The following TMEM132E variants were observed in gnomAD, a reference collection of about 807,000 sequenced individuals.
The protein encoded by TMEM132E is transmembrane protein 132E.
A neutral mutation model predicts 78.5 loss-of-function variants in TMEM132E; 49 were observed. That is an observed-to-expected ratio of 0.62 (90% CI 0.50 to 0.79). The LOEUF (loss-of-function observed/expected upper bound fraction) is 0.79. TMEM132E is among the 30% of genes least tolerant of loss of function. The pLI is 0.00. For missense variants in TMEM132E, 1,403 were observed against 1,470.9 expected, an observed-to-expected ratio of 0.95 and a Z score of 0.75; for synonymous variants, 715 against 670.6, an observed-to-expected ratio of 1.07 and a Z score of -1.02.
chr17:34,626,095 A>G, intron 1 of TMEM132E, 32 bp from the exon 2 acceptor site: 1 of 1,464,218 alleles, frequency 6.8e-7, no homozygotes, highest in African/African-American at 1.4e-5. Flanking sequence ...TCTCCTGACC[A>G]CCCTGGGCCT....
In TMEM132E at chr17:34,619,359, G is replaced by A. The variant is rs570558116; in HGVS notation, c.68-6768G>A. On this transcript the variant is annotated intron_variant, in intron 1 of 8. Coordinates refer to ENST00000631683, the MANE Select transcript of TMEM132E (RefSeq NM_001304438.2). ...TCTTCACCAGCTCTTCCTACTTAGCGCTATGTTCCAAGCATCTGCCATAAT... is the reference window on the plus strand; with the variant it reads ...TCTTCACCAGCTCTTCCTACTTAGCACTATGTTCCAAGCATCTGCCATAAT... Among the ~76,000 whole-genome samples, 8 of 151,356 alleles carry A rather than the reference G, an allele frequency of 5.3e-5. No individual in the cohort carries two copies. The South Asian group carries it at 6.2e-4, about 12-fold the overall frequency.
intron 1 of TMEM132E, among the ~76,000 whole-genome samples, chr17:34,598,924 C>T (rs991259557): frequency 2.6e-5 from 4 of 152,186 alleles, no homozygotes; most frequent in African/African-American, 9.7e-5. Flanking sequence ...CAGCCCCTGG[C>T]TGCTGCAGAC....
chr17:34,614,097 T>C (rs1204568570), intron 1 of TMEM132E, among the ~76,000 whole-genome samples: 1 of 152,086 alleles, frequency 6.6e-6, no homozygotes, highest in South Asian at 2.1e-4. Context: ...AGGTGAGGGC[T>C]CTCATCATGC....
At chr17:34,625,402 G>T (rs1464420347) in intron 1 of TMEM132E, among the ~76,000 whole-genome samples, 2 of 152,150 alleles carry the variant, frequency 1.3e-5, no homozygotes, top group African/African-American at 4.8e-5. Flanking sequence ...AGCTGAGAGA[G>T]CAGGTACAAT....
At chr17:34,619,296 G>A (rs768054979) in intron 1 of TMEM132E, among the ~76,000 whole-genome samples, 1 of 151,548 alleles carries the variant, frequency 6.6e-6, no homozygotes, top group Admixed American at 6.6e-5. Context: ...TATCAGCAAC[G>A]CCAACGTTAT....
chr17:34,629,107 A>C lies in TMEM132E; in HGVS notation c.1241A>C (p.Asp414Ala). The C allele has an allele frequency of 6.2e-7, 1 of 1,612,952 alleles. No individual in the cohort carries two copies. Among genetic ancestry groups the C allele is most frequent in the Non-Finnish European group, 8.5e-7 (1 of 1,179,374 alleles). Residue 414 changes from aspartate (D) to alanine (A), a missense_variant, in exon 4 of 9, where the codon GAC becomes GCC. By Grantham distance (126) the Asp-to-Ala change is moderately radical. This residue lies in a region of TMEM132E where 888 missense variants were observed against 952.8 expected (regional missense o/e 0.93). Transcript: ENST00000631683. ...AAGCGGAGGATCATGTGGCACATTG[A>C]CTACCGTGGCCACGGCGCCCTGCCT... ...SVKRRIMWHI[D>A]YRGHGALPDL... is the part of the protein sequence containing the mutation.
intron 5 of TMEM132E, among the ~76,000 whole-genome samples, chr17:34,630,611 G>A (rs1157019645): frequency 1.3e-5 from 2 of 152,170 alleles, no homozygotes; most frequent in East Asian, 3.8e-4. Flanking sequence ...TCAAAGACCT[G>A]CCGTGAACCC....
intron 1 of TMEM132E, 98 bp downstream of exon 1, chr17:34,581,241 C>T (rs1374017351): frequency 1.8e-6 from 2 of 1,114,590 alleles, no homozygotes; most frequent in East Asian, 3.2e-5. Context: ...ACCCCCTGGA[C>T]TCGCAGCCGC....
At chr17:34,621,058 A>G (rs571954538) in intron 1 of TMEM132E, among the ~76,000 whole-genome samples, 35 of 152,316 alleles carry the variant, frequency 2.3e-4, no homozygotes, top group Middle Eastern at 3.4e-3. Flanking sequence ...CATCATCATT[A>G]TCCCCATGTG....
intron 1 of TMEM132E, among the ~76,000 whole-genome samples, chr17:34,624,509 A>G (rs1285815275): frequency 1.3e-5 from 2 of 152,236 alleles, no homozygotes; most frequent in Non-Finnish European, 2.9e-5. Context: ...GGCTTCATGA[A>G]GGAGGTGGCA....
intron 1 of TMEM132E, among the ~76,000 whole-genome samples, chr17:34,595,905 C>T: frequency 6.6e-6 from 1 of 152,200 alleles, no homozygotes; most frequent in East Asian, 1.9e-4. Flanking sequence ...AACCAGATTC[C>T]ATCTCCAATA....
chr17:34,628,050 G>A (rs1286657389), intron 2 of TMEM132E, among the ~76,000 whole-genome samples: 1 of 152,166 alleles, frequency 6.6e-6, no homozygotes, highest in African/African-American at 2.4e-5. Flanking sequence ...CTGGCTGTGA[G>A]GTGATTCAGA....
intron 1 of TMEM132E, among the ~76,000 whole-genome samples, chr17:34,611,976 G>T (rs558695255): frequency 6.6e-6 from 1 of 152,126 alleles, no homozygotes; most frequent in South Asian, 2.1e-4. Context: ...GGGACCGAGG[G>T]TCTACTATTA....
In TMEM132E at chr17:34,588,854, A is replaced by G. The variant is rs59493029; in HGVS notation, c.67+7711A>G. On this transcript the variant is annotated intron_variant, in intron 1 of 8. Coordinates refer to ENST00000631683, the MANE Select transcript of TMEM132E (RefSeq NM_001304438.2). ...CTGCAACCACTGTCTCCTGGGTTCA[A>G]GTGATTCTCCTGCCTCAGCCTCCCG... 1.8e-3 allele frequency among the ~76,000 whole-genome samples: 277 copies of G among 152,240 alleles called. 1 individual carries two copies. The highest frequency in any genetic ancestry group is 6.1e-3 in the African/African-American group (254 of 41,532).
chr17:34,612,291 A>G (rs950519467), intron 1 of TMEM132E, among the ~76,000 whole-genome samples: 1 of 152,218 alleles, frequency 6.6e-6, no homozygotes, highest in African/African-American at 2.4e-5. Context: ...CAAAGCGCAG[A>G]AAGGAAGTGG....
In TMEM132E at chr17:34,630,009, A is replaced by T. The variant is rs761571136; in HGVS notation, c.1340A>T (p.Asp447Val). The T allele has an allele frequency of 6.2e-7, 1 of 1,607,334 alleles. No individual in the cohort carries two copies. The highest frequency in any genetic ancestry group is 1.1e-5 in the South Asian group (1 of 90,816). ...GCCCCCCCCTTCTCCTCCCTGCAGG[A>T]CACAGAGATCATCAACACGGCCATT... Reference protein sequence around the residue: ...DVQAILPLAMDTEIINTAILT... With the variant: ...DVQAILPLAMVTEIINTAILT... Residue 447 changes from aspartate (D) to valine (V), a missense_variant and splice_region_variant, in exon 5 of 9, where the codon GAC becomes GTC. Asp to Val is a radical substitution (Grantham distance 152). This residue lies in a region of TMEM132E where 888 missense variants were observed against 952.8 expected (regional missense o/e 0.93). Coordinates refer to ENST00000631683, the MANE Select transcript of TMEM132E (RefSeq NM_001304438.2).
intron 1 of TMEM132E, among the ~76,000 whole-genome samples, chr17:34,590,130 A>C (rs928916765): frequency 6.6e-6 from 1 of 151,994 alleles, no homozygotes; most frequent in African/African-American, 2.4e-5. Flanking sequence ...GTTCGCCCCC[A>C]CCTCCAGCCA....
rs551700082 is a variant in TMEM132E at position 34,628,081 on chromosome 17, G to T, written c.999-482G>T. ...TCAGAACTATGGCAAAAAACAATTGGAGGCACTGAAGGAAAGAAGATTCAG... is the reference window on the plus strand; with the variant it reads ...TCAGAACTATGGCAAAAAACAATTGTAGGCACTGAAGGAAAGAAGATTCAG... On this transcript the variant is annotated intron_variant, in intron 2 of 8. Transcript: ENST00000631683. Among the ~76,000 whole-genome samples, 10 of 152,310 alleles carry T rather than the reference G, an allele frequency of 6.6e-5. No individual in the cohort carries two copies. The South Asian group carries it at 2.1e-3, about 32-fold the overall frequency.
chr17:34,607,356 G>T (rs1906448931), intron 1 of TMEM132E, among the ~76,000 whole-genome samples: 1 of 152,160 alleles, frequency 6.6e-6, no homozygotes, highest in Non-Finnish European at 1.5e-5. Context: ...GAGAAGGATG[G>T]GGGAACCAGG....
Sources: gnomAD v4.1 joint callset for allele counts (sites outside exome capture counted in the v4.1 genomes callset) on GRCh38, gnomAD v4.1.1 for gene constraint, gnomAD v4.1.1 regional missense constraint, MANE v1.5 for transcripts, NCBI Gene and HGNC (gene_info 2026-07-23, HGNC 2026-07-21) for gene names.